Variants in COMMD2 observed in about 807,000 individuals in gnomAD.
COMMD2 encodes COMM domain containing 2, also known as COMM domain-containing protein 2.
In COMMD2, 25 loss-of-function variants were observed where a neutral mutation model predicts 22.5. That is an observed-to-expected ratio of 1.11 (90% CI 0.81 to 1.55). COMMD2 has a LOEUF of 1.55. COMMD2 is among the 40% of genes most tolerant of loss of function. The pLI is 0.00. For missense variants in COMMD2, 223 were observed against 232.9 expected, an observed-to-expected ratio of 0.96 and a Z score of 0.28; for synonymous variants, 98 against 91.2, an observed-to-expected ratio of 1.07 and a Z score of -0.42.
At position 149,741,671 on chromosome 3, in the gene COMMD2, T is replaced by C. The variant is rs1716233257; in HGVS notation, c.450A>G (p.Ile150Met). Residue 150 changes from isoleucine to methionine, a missense_variant, in exon 5 of 5, where the codon ATA becomes ATG. Coordinates refer to ENST00000473414, the MANE Select transcript of COMMD2 (RefSeq NM_016094.4). Reference sequence around the variant, plus strand: ...CTCCATTTTGATTAAGGTGTAGCTTTATAGTCACTGCTGGTTTAATCTGTT... The same window carrying C: ...CTCCATTTTGATTAAGGTGTAGCTTCATAGTCACTGCTGGTTTAATCTGTT... ...LRQQIKPAVT[I>M]KLHLNQNGDH... 1.9e-6 allele frequency: 3 copies of C among 1,613,926 alleles called. No homozygotes were observed. In the South Asian group the frequency reaches 3.3e-5, roughly 18 times the overall value.
At chr3:149,743,333 G>A (rs4632484) in intron 4 of COMMD2, among the ~76,000 whole-genome samples, 3,406 of 152,248 alleles carry the variant, frequency 0.022, 121 homozygotes, top group African/African-American at 0.078. Flanking sequence ...CTGACTTGAA[G>A]TCTAGGAGAG....
At chr3:149,749,420 A>G (rs1576660228) in intron 4 of COMMD2, among the ~76,000 whole-genome samples, 1 of 152,346 alleles carries the variant, frequency 6.6e-6, no homozygotes, top group South Asian at 2.1e-4. Flanking sequence ...AGAAGCCACT[A>G]CAACAGTGGT....
At chr3:149,752,089 T>C (rs1241816280) in intron 2 of COMMD2, 121 bp downstream of exon 2, 1 of 802,108 alleles carries the variant, frequency 1.2e-6, no homozygotes, top group Non-Finnish European at 2.0e-6. Flanking sequence ...CTGCTGGTTT[T>C]ATTCTACTAC....
chr3:149,752,154 G>T lies in COMMD2; in HGVS notation c.145+56C>A, dbSNP rs1716548822. 5 of 1,430,576 alleles carry T rather than the reference G, an allele frequency of 3.5e-6. No homozygotes were observed. In the South Asian group the frequency reaches 6.0e-5, roughly 17 times the overall value. 88.6% of individuals were successfully genotyped at this position (1,430,576 alleles called of 1,614,324 possible). ...AATCCGTTTCTCTCCCGGGAGACAG[G>T]GAATGGCTCGCAACCGCCCTAGAAG... On this transcript the variant is annotated intron_variant, in intron 2 of 4. Transcript: ENST00000473414.
rs200137592 is a variant in COMMD2 at position 149,741,630 on chromosome 3, A to G, written c.491T>C (p.Val164Ala). 5 of 1,613,994 alleles carry G rather than the reference A, an allele frequency of 3.1e-6. No homozygotes were observed. The highest frequency in any genetic ancestry group is 1.1e-5 in the South Asian group (1 of 91,076). ...LNQNGDHNTK[V>A]LQTDPATLLH... ...CAGGGTGGCTGGGTCTGTCTGCAGAACTTTGGTGTTGTGATCTCCATTTTG... is the reference window on the plus strand; with the variant it reads ...CAGGGTGGCTGGGTCTGTCTGCAGAGCTTTGGTGTTGTGATCTCCATTTTG... Residue 164 changes from valine (V) to alanine (A), a missense_variant, in exon 5 of 5, where the codon GTT (valine) becomes GCT (alanine). By Grantham distance (64) the Val-to-Ala change is moderately conservative. Coordinates refer to ENST00000473414, the MANE Select transcript of COMMD2 (RefSeq NM_016094.4).
chr3:149,743,247 A>AAACACAAAAC (rs1716285055), intron 4 of COMMD2, among the ~76,000 whole-genome samples: 2 of 152,182 alleles, frequency 1.3e-5, no homozygotes, highest in African/African-American at 4.8e-5. Context: ...CAAAACTATA[A>AAACACAAAAC]ACAATGACCA....
In COMMD2 at chr3:149,740,106, C is replaced by G. The variant is rs1716171450; in HGVS notation, c.*1415G>C. 1 of 152,190 alleles carries G rather than the reference C, an allele frequency of 6.6e-6. No homozygotes were observed. Among genetic ancestry groups the G allele is most frequent in the African/African-American group, 2.4e-5 (1 of 41,458 alleles). 9.4% of individuals were successfully genotyped at this position (152,190 alleles called of 1,614,324 possible). ...CTTTCTAGATTATTCCATGAAGACT[C>G]TCAGGATAAGGTCTTGGACACATAG... On this transcript the variant is annotated 3_prime_UTR_variant, in exon 5 of 5. Coordinates refer to ENST00000473414, the MANE Select transcript of COMMD2 (RefSeq NM_016094.4).
At chr3:149,749,516 A>G (rs775803085) in intron 4 of COMMD2, among the ~76,000 whole-genome samples, 4 of 152,222 alleles carry the variant, frequency 2.6e-5, no homozygotes, top group Non-Finnish European at 5.9e-5. Flanking sequence ...CTATACCAAT[A>G]AATCAGAATC....
chr3:149,748,936 G>C (rs751214607), intron 4 of COMMD2, among the ~76,000 whole-genome samples: 6 of 151,952 alleles, frequency 3.9e-5, no homozygotes, highest in Non-Finnish European at 8.8e-5. Context: ...TTAATATTTT[G>C]AATTCCCACT....
rs1364275623 is a variant in COMMD2, at chr3:149,741,491, T to C, written c.*30A>G. On this transcript the variant is annotated 3_prime_UTR_variant, in exon 5 of 5. Transcript: ENST00000473414. ...CTGTATATCATCAATTCATAAGTGA[T>C]TCAAATGAATTAAAACCTTAAAACT... 6 of 1,536,012 alleles carry C rather than the reference T, an allele frequency of 3.9e-6. No individual in the cohort carries two copies. Among genetic ancestry groups the C allele is most frequent in the Non-Finnish European group, 5.4e-6 (6 of 1,109,246 alleles).
intron 4 of COMMD2, among the ~76,000 whole-genome samples, chr3:149,745,128 C>A (rs557015824): frequency 1.3e-5 from 2 of 152,224 alleles, no homozygotes; most frequent in South Asian, 4.1e-4. Flanking sequence ...ACATGACCAT[C>A]CCCACATCTC....
intron 4 of COMMD2, among the ~76,000 whole-genome samples, chr3:149,745,894 T>C (rs1716353436): frequency 6.6e-6 from 1 of 152,230 alleles, no homozygotes; most frequent in Admixed American, 6.5e-5. Context: ...TTACTTTCAG[T>C]GACATTGTGT....
chr3:149,752,223 G>A lies in COMMD2; in HGVS notation c.132C>T (p.Tyr44=), dbSNP rs372134103. 1.4e-5 allele frequency: 22 copies of A among 1,613,926 alleles called. No homozygotes were observed. The highest frequency in any genetic ancestry group is 1.9e-5 in the Non-Finnish European group (22 of 1,179,908). The change falls in exon 2 of 5, where the codon TAC becomes TAT. Residue 44 remains tyrosine (Y), a synonymous_variant. Transcript: ENST00000473414. ...TTCCCTTCTTACTGGCGGCGCCTTC[G>A]TAGATTTTTGGGTTTGCGCCGCGTC... ...FLRRGANPKI[Y]EGAARKLNVS... is the part of the protein sequence containing the mutation.
In COMMD2 at chr3:149,740,757, T is replaced by C. The variant is rs1032564421; in HGVS notation, c.*764A>G. 1 of 152,198 alleles carries C rather than the reference T, an allele frequency of 6.6e-6. No homozygotes were observed. The highest frequency in any genetic ancestry group is 1.5e-5 in the Non-Finnish European group (1 of 68,016). 9.4% of individuals were successfully genotyped at this position (152,198 alleles called of 1,614,324 possible). On this transcript the variant is annotated 3_prime_UTR_variant, in exon 5 of 5. Coordinates refer to ENST00000473414, the MANE Select transcript of COMMD2 (RefSeq NM_016094.4). Reference sequence around the variant, plus strand: ...AATTCTGCATAGTAGTAGTATTACATTGTGAATTTTATTTTCAAATTTGAT... The same window carrying C: ...AATTCTGCATAGTAGTAGTATTACACTGTGAATTTTATTTTCAAATTTGAT...
At chr3:149,741,779 A>G (rs1310897319) in intron 4 of COMMD2, 61 bp from the exon 5 acceptor site, 9 of 1,235,034 alleles carry the variant, frequency 7.3e-6, no homozygotes, top group Non-Finnish European at 9.4e-6. Context: ...AATACATAAT[A>G]TTTATAATTA....
intron 4 of COMMD2, among the ~76,000 whole-genome samples, chr3:149,747,080 TA>T (rs1345401819): frequency 1.3e-5 from 2 of 152,184 alleles, no homozygotes; most frequent in African/African-American, 4.8e-5. Flanking sequence ...GGTGGGGACA[TA>T]GAACCAAACC....
chr3:149,751,243 G>A lies in COMMD2; in HGVS notation c.228+160C>T, dbSNP rs930956574. ...GCAAGAGGTATTCATATCAGCAGAT[G>A]ATATGATTTTTATTTTTTAGGTATG... On this transcript the variant is annotated intron_variant, in intron 3 of 4. Transcript: ENST00000473414. 3.6e-6 allele frequency: 4 copies of A among 1,098,878 alleles called. No individual in the cohort carries two copies. The Admixed American group carries it at 1.1e-4, about 30-fold the overall frequency. The allele number at this position is 1,098,878 out of a possible 1,614,324, so 68.1% of individuals were successfully genotyped here. A position where few individuals can be genotyped will look rare whatever the true frequency, so the allele number is the denominator to read the frequency against.
intron 4 of COMMD2, among the ~76,000 whole-genome samples, chr3:149,743,135 T>C (rs1252904367): frequency 6.6e-6 from 1 of 152,194 alleles, no homozygotes; most frequent in Non-Finnish European, 1.5e-5. Flanking sequence ...ATTTGTTTTA[T>C]CATTATTCTT....
rs918958680 is a variant in COMMD2, at chr3:149,739,333, G to A, written c.*2188C>T. Reference sequence around the variant, plus strand: ...AATGTTTGAGCAAAAAAAAGGAAGAGGCTTATTCAATGGCTTGTACTAAAA... The same window carrying A: ...AATGTTTGAGCAAAAAAAAGGAAGAAGCTTATTCAATGGCTTGTACTAAAA... On this transcript the variant is annotated 3_prime_UTR_variant, in exon 5 of 5. Coordinates refer to ENST00000473414, the MANE Select transcript of COMMD2 (RefSeq NM_016094.4). 1.3e-5 allele frequency: 2 copies of A among 152,164 alleles called. No individual in the cohort carries two copies. The highest frequency in any genetic ancestry group is 4.8e-5 in the African/African-American group (2 of 41,446). The allele number at this position is 152,164 out of a possible 1,614,324, so 9.4% of individuals were successfully genotyped here.
Sources: allele counts gnomAD v4.1 joint callset (sites outside exome capture counted in the v4.1 genomes callset), GRCh38; gene constraint gnomAD v4.1.1; transcripts MANE v1.5; gene names NCBI Gene and HGNC (gene_info 2026-07-23, HGNC 2026-07-21).